Variants in PDE10A observed in about 807,000 individuals in gnomAD.
PDE10A encodes phosphodiesterase 10A.
Under a neutral mutation model 97.7 loss-of-function variants are expected in PDE10A, and 39 were observed. The observed-to-expected ratio is 0.40, with a 90% CI of 0.31 to 0.52. The LOEUF (loss-of-function observed/expected upper bound fraction) is 0.52. PDE10A is among the 20% of genes least tolerant of loss of function. The pLI is 0.56. For synonymous variants in PDE10A, 371 were observed against 376.8 expected (o/e 0.98, Z 0.18); for missense variants, 731 against 1,047.8 (o/e 0.70, Z 4.17).
intron 2 of PDE10A, among the ~76,000 whole-genome samples, chr6:165,529,512 A>G (rs1455589887): frequency 2.0e-5 from 3 of 152,206 alleles, no homozygotes; most frequent in Non-Finnish European, 4.4e-5. Context: ...CAGAATGGGT[A>G]GTAGAAGAAG....
At chr6:165,394,301 A>C (rs1393863628) in intron 15 of PDE10A, among the ~76,000 whole-genome samples, 1 of 152,086 alleles carries the variant, frequency 6.6e-6, no homozygotes, top group Non-Finnish European at 1.5e-5. Context: ...TCCACTTATA[A>C]GAGAGAACAT....
chr6:165,939,587 C>T (rs1783444444), intron 1 of PDE10A: 1 of 152,156 alleles, frequency 6.6e-6, no homozygotes, highest in Admixed American at 6.5e-5. Context: ...TGTCACCCTG[C>T]TTTAAATGAA....
chr6:165,905,096 T>C (rs1209783046), intron 1 of PDE10A, among the ~76,000 whole-genome samples: 5 of 152,192 alleles, frequency 3.3e-5, no homozygotes, highest in Non-Finnish European at 7.4e-5. Flanking sequence ...GTCTCCAAAC[T>C]ACCACAGATG....
chr6:165,952,797 C>T (rs1033097410), intron 1 of PDE10A, among the ~76,000 whole-genome samples: 1 of 152,096 alleles, frequency 6.6e-6, no homozygotes. Flanking sequence ...TGGGCTCCAT[C>T]CACTTTGCTT....
intron 1 of PDE10A, among the ~76,000 whole-genome samples, chr6:165,572,038 C>T (rs1269025750): frequency 6.6e-6 from 1 of 152,184 alleles, no homozygotes; most frequent in African/African-American, 2.4e-5. Flanking sequence ...GAATTGTGTC[C>T]GCTTATCTTT....
intron 1 of PDE10A, among the ~76,000 whole-genome samples, chr6:165,572,416 A>T (rs758266132): frequency 2.6e-5 from 4 of 152,224 alleles, no homozygotes; most frequent in Non-Finnish European, 5.9e-5. Context: ...ATCAGCTCTT[A>T]TTACCACCTA....
At chr6:165,601,986 C>A (rs184615067) in intron 1 of PDE10A, among the ~76,000 whole-genome samples, 11 of 152,250 alleles carry the variant, frequency 7.2e-5, no homozygotes, top group Admixed American at 7.2e-4. Context: ...AAAACAGAGA[C>A]TAAGATCAGG....
rs757488911 is a variant in PDE10A, at chr6:165,330,132, G to A, written c.*2893C>T. On this transcript the variant is annotated 3_prime_UTR_variant, in exon 22 of 22. Transcript: ENST00000539869. ...ATAATTGCATATGACCATAAAACTT[G>A]TCTATTATAAACCAACATAACCAAC... 1 of 152,098 alleles carries A rather than the reference G, an allele frequency of 6.6e-6. No individual in the cohort carries two copies. Among genetic ancestry groups the A allele is most frequent in the African/African-American group, 2.4e-5 (1 of 41,428 alleles). 9.4% of individuals were successfully genotyped at this position (152,098 alleles called of 1,614,324 possible). A position where few individuals can be genotyped will look rare whatever the true frequency, so the allele number is the denominator to read the frequency against.
chr6:165,967,838 T>C (rs1471641801), intron 1 of PDE10A, among the ~76,000 whole-genome samples: 1 of 152,234 alleles, frequency 6.6e-6, no homozygotes, highest in Non-Finnish European at 1.5e-5. Context: ...TTTCATTTGA[T>C]GTGTAAATAG....
chr6:165,634,263 G>A (rs888076004), intron 1 of PDE10A, among the ~76,000 whole-genome samples: 2 of 152,192 alleles, frequency 1.3e-5, no homozygotes, highest in African/African-American at 4.8e-5. Flanking sequence ...GTGTGTGTGT[G>A]TGTGGAGCGT....
At chr6:165,873,721 CA>C (rs1026601986) in intron 1 of PDE10A, among the ~76,000 whole-genome samples, 44 of 151,488 alleles carry the variant, frequency 2.9e-4, no homozygotes, top group Non-Finnish European at 4.9e-4. Context: ...AACTTAGATG[CA>C]AAAAAAATTG....
chr6:165,961,485 G>A (rs1784360140), intron 1 of PDE10A, among the ~76,000 whole-genome samples: 1 of 152,212 alleles, frequency 6.6e-6, no homozygotes, highest in South Asian at 2.1e-4. Flanking sequence ...TGGATGCGGT[G>A]AGGGCCGGAT....
At chr6:165,557,693 T>C (rs1367469959) in intron 1 of PDE10A, among the ~76,000 whole-genome samples, 3 of 152,178 alleles carry the variant, frequency 2.0e-5, no homozygotes, top group African/African-American at 7.2e-5. Context: ...CACCCAAGAA[T>C]TTTTTTAGAC....
intron 1 of PDE10A, among the ~76,000 whole-genome samples, chr6:165,825,773 C>T (rs73031965): frequency 0.036 from 5,552 of 152,276 alleles, 144 homozygotes; most frequent in Non-Finnish European, 0.056. Flanking sequence ...AGGGCCTGAA[C>T]CTGCCTCTGC....
chr6:165,406,076 A>G (rs891795025), intron 13 of PDE10A, among the ~76,000 whole-genome samples: 6 of 152,200 alleles, frequency 3.9e-5, no homozygotes, highest in Non-Finnish European at 7.3e-5. Context: ...AGAAAAAAAA[A>G]GACTGAACTC....
chr6:165,363,091 T>A (rs1038953176), intron 18 of PDE10A, among the ~76,000 whole-genome samples: 23 of 152,166 alleles, frequency 1.5e-4, no homozygotes, highest in Admixed American at 3.9e-4. Flanking sequence ...AGTTCATCTA[T>A]AAAATACCCA....
chr6:165,736,237 G>C (rs1278434361), intron 1 of PDE10A, among the ~76,000 whole-genome samples: 1 of 152,208 alleles, frequency 6.6e-6, no homozygotes, highest in African/African-American at 2.4e-5. Context: ...ACATCAGTAT[G>C]ATGGCAGAAT....
chr6:165,826,304 T>TCCC (rs74186322), intron 1 of PDE10A, among the ~76,000 whole-genome samples: 2 of 62,242 alleles, frequency 3.2e-5, no homozygotes, highest in South Asian at 4.7e-4. Context: ...ATGTCCGTCT[T>TCCC]CATGTCCCTC....
chr6:165,463,219 C>A (rs1475306517), intron 3 of PDE10A, among the ~76,000 whole-genome samples: 3 of 152,138 alleles, frequency 2.0e-5, no homozygotes, highest in Admixed American at 1.3e-4. Flanking sequence ...TTATCTGGAA[C>A]CATGGTGGTA....
Sources: allele counts gnomAD v4.1 joint callset (sites outside exome capture counted in the v4.1 genomes callset), GRCh38; gene constraint gnomAD v4.1.1; transcripts MANE v1.5; gene names NCBI Gene and HGNC (gene_info 2026-07-23, HGNC 2026-07-21).